Variants in GRIA1 observed in about 807,000 individuals in gnomAD.
GRIA1 encodes the protein glutamate receptor 1.
A neutral mutation model predicts 99.2 loss-of-function variants in GRIA1; 31 were observed. The ratio of observed to expected loss-of-function variants is 0.31; its 90% CI spans 0.23 to 0.42. The LOEUF is 0.42. GRIA1 is among the 10% of genes least tolerant of loss of function. The pLI is 1.00. For missense variants in GRIA1, 782 were observed against 1,157.5 expected, an observed-to-expected ratio of 0.68 and a Z score of 4.71; for synonymous variants, 438 against 432.4, an observed-to-expected ratio of 1.01 and a Z score of -0.16.
chr5:153,767,654 G>A (rs1763606655), intron 12 of GRIA1, among the ~76,000 whole-genome samples: 5 of 150,338 alleles, frequency 3.3e-5, no homozygotes, highest in Admixed American at 3.3e-4. Flanking sequence ...AGTGAGACAA[G>A]AATTCTTCTA....
At chr5:153,499,795 C>A (rs1307012378) in intron 2 of GRIA1, among the ~76,000 whole-genome samples, 7 of 152,060 alleles carry the variant, frequency 4.6e-5, no homozygotes, top group Non-Finnish European at 8.8e-5. Flanking sequence ...GAAGGTGGAA[C>A]TTTAGCAGGC....
intron 13 of GRIA1, among the ~76,000 whole-genome samples, chr5:153,782,289 A>G (rs1764684203): frequency 6.6e-6 from 1 of 152,222 alleles, no homozygotes; most frequent in Non-Finnish European, 1.5e-5. Flanking sequence ...ATTTGAACCC[A>G]GATAGTCCAA....
intron 2 of GRIA1, among the ~76,000 whole-genome samples, chr5:153,596,933 T>C (rs1161720734): frequency 6.6e-6 from 1 of 152,200 alleles, no homozygotes. Context: ...TACAGGCTGA[T>C]GGGTCAGGCA....
intron 2 of GRIA1, among the ~76,000 whole-genome samples, chr5:153,568,663 AT>A (rs1761863966): frequency 6.6e-6 from 1 of 151,954 alleles, no homozygotes. Flanking sequence ...CTTTCCTTTC[AT>A]TTCTGCAGCC....
chr5:153,507,155 G>A (rs1285221656), intron 2 of GRIA1, among the ~76,000 whole-genome samples: 1 of 151,952 alleles, frequency 6.6e-6, no homozygotes, highest in African/African-American at 2.4e-5. Flanking sequence ...ATAAAAGATG[G>A]TTTCTATGTT....
At chr5:153,760,628 C>A (rs1427704580) in intron 11 of GRIA1, among the ~76,000 whole-genome samples, 2 of 151,962 alleles carry the variant, frequency 1.3e-5, no homozygotes, top group East Asian at 3.8e-4. Context: ...TCAATGCAAT[C>A]CCTATCATAA....
At chr5:153,621,669 C>T (rs1767064916) in intron 2 of GRIA1, among the ~76,000 whole-genome samples, 1 of 152,082 alleles carries the variant, frequency 6.6e-6, no homozygotes, top group Admixed American at 6.6e-5. Flanking sequence ...AAGTTCCAGC[C>T]TGCCTCTCCC....
At chr5:153,672,682 G>A (rs1756278198) in intron 5 of GRIA1, among the ~76,000 whole-genome samples, 2 of 152,182 alleles carry the variant, frequency 1.3e-5, no homozygotes, top group African/African-American at 4.8e-5. Context: ...GAAAGCCAAT[G>A]AGAAATTCAG....
At chr5:153,720,356 GAA>G (rs1479163586) in intron 11 of GRIA1, among the ~76,000 whole-genome samples, 1 of 152,188 alleles carries the variant, frequency 6.6e-6, no homozygotes, top group African/African-American at 2.4e-5. Flanking sequence ...GGAGGCAAAT[GAA>G]AAGAGACAGG....
chr5:153,672,274 C>A (rs1756244482), intron 5 of GRIA1, among the ~76,000 whole-genome samples: 1 of 152,156 alleles, frequency 6.6e-6, no homozygotes, highest in Non-Finnish European at 1.5e-5. Context: ...CATATTAACT[C>A]CTTAACATGT....
intron 11 of GRIA1, among the ~76,000 whole-genome samples, chr5:153,714,177 C>T (rs1384359473): frequency 6.6e-6 from 1 of 152,090 alleles, no homozygotes; most frequent in East Asian, 1.9e-4. Flanking sequence ...ATAGCTCCCC[C>T]TCGGCTCTGG....
At chr5:153,510,992 A>G (rs1427073990) in intron 2 of GRIA1, among the ~76,000 whole-genome samples, 3 of 152,180 alleles carry the variant, frequency 2.0e-5, no homozygotes, top group African/African-American at 7.2e-5. Context: ...TAAGCAAAGT[A>G]TAAGGGGTGC....
intron 2 of GRIA1, among the ~76,000 whole-genome samples, chr5:153,606,584 T>G (rs1270859865): frequency 6.6e-6 from 1 of 152,066 alleles, no homozygotes; most frequent in African/African-American, 2.4e-5. Context: ...AGTAATATTT[T>G]GTAGTTTTCA....
intron 13 of GRIA1, among the ~76,000 whole-genome samples, chr5:153,773,534 G>C (rs1764020801): frequency 6.6e-6 from 1 of 152,176 alleles, no homozygotes. Flanking sequence ...ATTCCTTTGA[G>C]GAGTAACCCT....
chr5:153,544,570 TACCAA>T (rs2113508625), intron 2 of GRIA1, among the ~76,000 whole-genome samples: 1 of 152,334 alleles, frequency 6.6e-6, no homozygotes, highest in East Asian at 1.9e-4. Flanking sequence ...TTACAGACAT[TACCAA>T]ATTACATAGG....
intron 2 of GRIA1, among the ~76,000 whole-genome samples, chr5:153,566,786 G>A (rs1161597191): frequency 1.5e-5 from 2 of 133,528 alleles, no homozygotes; most frequent in African/African-American, 2.8e-5. Flanking sequence ...GCACAATCTC[G>A]GCTTACTGCA....
intron 11 of GRIA1, among the ~76,000 whole-genome samples, chr5:153,715,783 C>T (rs1013980947): frequency 7.9e-5 from 12 of 152,150 alleles, no homozygotes; most frequent in Admixed American, 5.2e-4. Context: ...TTATTCAAAA[C>T]CTGACATGAG....
intron 8 of GRIA1, among the ~76,000 whole-genome samples, chr5:153,693,385 C>G (rs761229706): frequency 3.9e-5 from 6 of 152,136 alleles, no homozygotes; most frequent in African/African-American, 7.2e-5. Flanking sequence ...AATAAGAATG[C>G]TTGGGAGTCA....
intron 2 of GRIA1, among the ~76,000 whole-genome samples, chr5:153,589,017 T>G (rs1482455072): frequency 4.6e-5 from 7 of 152,170 alleles, no homozygotes; most frequent in African/African-American, 1.4e-4. Context: ...AAGTCAATTT[T>G]TATATTATTC....
Sources: gnomAD v4.1 joint callset for allele counts (sites outside exome capture counted in the v4.1 genomes callset) on GRCh38, gnomAD v4.1.1 for gene constraint, MANE v1.5 for transcripts, NCBI Gene and HGNC (gene_info 2026-07-23, HGNC 2026-07-21) for gene names.